The following CSMD1 variants were observed in gnomAD, a reference collection of about 807,000 sequenced individuals.
The protein encoded by CSMD1 is CUB and Sushi multiple domains 1, also known as CUB and sushi domain-containing protein 1.
Under a neutral mutation model 417.5 loss-of-function variants are expected in CSMD1, and 213 were observed. The ratio of observed to expected loss-of-function variants is 0.51; its 90% CI spans 0.46 to 0.57. The LOEUF (loss-of-function observed/expected upper bound fraction) is 0.57. CSMD1 is among the 20% of genes least tolerant of loss of function. The probability of loss-of-function intolerance (pLI) is 0.00; values close to 1 mark genes in which losing one functional copy is unlikely to be tolerated. For synonymous variants in CSMD1, 2,862 were observed against 1,736.8 expected (o/e 1.65, Z -16.11); for missense variants, 6,923 against 4,529.7 (o/e 1.53, Z -15.17).
intron 7 of CSMD1, among the ~76,000 whole-genome samples, chr8:3,663,672 A>G (rs1798536511): frequency 6.6e-6 from 1 of 152,130 alleles, no homozygotes; most frequent in Non-Finnish European, 1.5e-5. Flanking sequence ...CCTCTTTTCT[A>G]CCTATGAACT....
chr8:4,256,133 G>C (rs1281700841), intron 3 of CSMD1, among the ~76,000 whole-genome samples: 1 of 152,190 alleles, frequency 6.6e-6, no homozygotes, highest in Non-Finnish European at 1.5e-5. Context: ...TTTCTGAGCA[G>C]TACTAATCAC....
intron 50 of CSMD1, among the ~76,000 whole-genome samples, chr8:3,039,354 C>CTTTTCCTTT (rs1286947176): frequency 6.8e-6 from 1 of 147,966 alleles, no homozygotes; most frequent in African/African-American, 2.6e-5. Context: ...CGCCTTCCTT[C>CTTTTCCTTT]CTTCCTCCTT....
intron 3 of CSMD1, among the ~76,000 whole-genome samples, chr8:4,207,394 T>C (rs1281929096): frequency 6.6e-6 from 1 of 152,162 alleles, no homozygotes; most frequent in Admixed American, 6.5e-5. Flanking sequence ...TCATGGAAGA[T>C]TTTAATAAGC....
At chr8:4,730,673 G>A (rs752854863) in intron 1 of CSMD1, among the ~76,000 whole-genome samples, 25 of 151,984 alleles carry the variant, frequency 1.6e-4, no homozygotes, top group Non-Finnish European at 3.1e-4. Flanking sequence ...CCCGGGAAGC[G>A]GAGCTTGCAG....
intron 3 of CSMD1, among the ~76,000 whole-genome samples, chr8:4,092,610 T>C (rs1029767015): frequency 6.6e-6 from 1 of 152,208 alleles, no homozygotes; most frequent in Non-Finnish European, 1.5e-5. Context: ...TCTTAAGCAA[T>C]TATGAGAAGA....
chr8:3,225,126 A>T (rs1398033259), intron 27 of CSMD1, among the ~76,000 whole-genome samples: 1 of 152,224 alleles, frequency 6.6e-6, no homozygotes, highest in Non-Finnish European at 1.5e-5. Flanking sequence ...AGATGAAGGA[A>T]GATGAAGGAA....
intron 23 of CSMD1, among the ~76,000 whole-genome samples, chr8:3,316,450 G>C (rs187577187): frequency 6.6e-5 from 10 of 152,172 alleles, no homozygotes; most frequent in African/African-American, 2.2e-4. Context: ...AAAACAACAC[G>C]ATGAATGCTA....
At chr8:4,183,887 T>C (rs569236726) in intron 3 of CSMD1, among the ~76,000 whole-genome samples, 5 of 152,288 alleles carry the variant, frequency 3.3e-5, no homozygotes, top group African/African-American at 1.2e-4. Context: ...TTGGGGCATG[T>C]GGACAGTTTG....
chr8:4,019,284 C>T (rs921935162), intron 4 of CSMD1, among the ~76,000 whole-genome samples: 12 of 152,204 alleles, frequency 7.9e-5, no homozygotes, highest in Admixed American at 2.0e-4. Flanking sequence ...AGATTCAGGG[C>T]GAGAGAGCTT....
At chr8:4,050,517 C>T (rs1798370285) in intron 3 of CSMD1, among the ~76,000 whole-genome samples, 1 of 151,988 alleles carries the variant, frequency 6.6e-6, no homozygotes, top group African/African-American at 2.4e-5. Context: ...ATGTATCATC[C>T]TGGAGGGGTA....
chr8:3,712,591 G>C (rs1801589709), intron 6 of CSMD1, among the ~76,000 whole-genome samples: 1 of 152,140 alleles, frequency 6.6e-6, no homozygotes, highest in Non-Finnish European at 1.5e-5. Flanking sequence ...AATATTTCGT[G>C]ATTGATGACA....
intron 10 of CSMD1, among the ~76,000 whole-genome samples, chr8:3,500,946 A>G (rs1253473830): frequency 6.6e-6 from 1 of 152,210 alleles, no homozygotes; most frequent in Non-Finnish European, 1.5e-5. Flanking sequence ...TTGCAAGAGA[A>G]TAAGAATGAT....
At chr8:3,846,162 C>T (rs1362921516) in intron 5 of CSMD1, among the ~76,000 whole-genome samples, 1 of 152,120 alleles carries the variant, frequency 6.6e-6, no homozygotes, top group Non-Finnish European at 1.5e-5. Flanking sequence ...AAGCATTATG[C>T]ATGGTACATA....
At chr8:3,015,190 C>G (rs555688936) in intron 52 of CSMD1, among the ~76,000 whole-genome samples, 13 of 152,006 alleles carry the variant, frequency 8.6e-5, no homozygotes, top group African/African-American at 2.9e-4. Context: ...TGAGGCAGCT[C>G]TCTTGGGGTT....
chr8:4,019,945 G>C (rs1475545193), intron 4 of CSMD1, among the ~76,000 whole-genome samples: 1 of 147,300 alleles, frequency 6.8e-6, no homozygotes, highest in African/African-American at 2.5e-5. Context: ...TTTTTTTTAA[G>C]AGCTACCAAT....
chr8:3,195,409 G>T (rs1796651206), intron 33 of CSMD1, among the ~76,000 whole-genome samples: 1 of 152,200 alleles, frequency 6.6e-6, no homozygotes, highest in Non-Finnish European at 1.5e-5. Flanking sequence ...ACAGGCCAAA[G>T]CAAAGTCTCT....
chr8:4,985,300 C>A (rs1227506801), intron 1 of CSMD1, among the ~76,000 whole-genome samples: 3 of 152,204 alleles, frequency 2.0e-5, no homozygotes, highest in African/African-American at 7.2e-5. Flanking sequence ...ATCGGTACAA[C>A]AACCCCCCAT....
At chr8:3,149,837 A>G (rs908121011) in intron 40 of CSMD1, among the ~76,000 whole-genome samples, 4 of 152,198 alleles carry the variant, frequency 2.6e-5, no homozygotes, top group Admixed American at 2.6e-4. Flanking sequence ...ACTCATTTAA[A>G]AAAACCACAC....
intron 2 of CSMD1, among the ~76,000 whole-genome samples, chr8:4,524,416 T>C (rs550642427): frequency 6.6e-6 from 1 of 152,192 alleles, no homozygotes; most frequent in African/African-American, 2.4e-5. Context: ...TATTCAAGAG[T>C]TGATTTCTGC....
Sources: allele counts gnomAD v4.1 joint callset (sites outside exome capture counted in the v4.1 genomes callset), GRCh38; gene constraint gnomAD v4.1.1; transcripts MANE v1.5; gene names NCBI Gene and HGNC (gene_info 2026-07-23, HGNC 2026-07-21).